The following FCHO1 variants were observed in gnomAD, a reference collection of about 807,000 sequenced individuals.
FCHO1 encodes the protein F-BAR domain only protein 1.
FCHO1 carries 45 observed loss-of-function variants against 114.4 expected under a neutral mutation model. That is an observed-to-expected ratio of 0.39 (90% CI 0.31 to 0.50). The LOEUF is 0.50. FCHO1 is among the 20% of genes least tolerant of loss of function. FCHO1 has a pLI of 0.77. For missense variants in FCHO1, 1,042 were observed against 1,209.6 expected, an observed-to-expected ratio of 0.86 and a Z score of 2.06; for synonymous variants, 480 against 488.9, an observed-to-expected ratio of 0.98 and a Z score of 0.24.
chr19:17,750,827 C>T (rs56130530), upstream of FCHO1, among the ~76,000 whole-genome samples: 29,154 of 133,954 alleles, frequency 0.22, 3,450 homozygotes, highest in African/African-American at 0.32. Context: ...CCTTTCTTTT[C>T]TTTTTTTTTT....
chr19:17,759,531 A>C (rs1174326514), intron 4 of FCHO1, among the ~76,000 whole-genome samples: 1 of 151,808 alleles, frequency 6.6e-6, no homozygotes, highest in African/African-American at 2.4e-5. Context: ...CTAGTCATTG[A>C]TTTTAAAGTT....
chr19:17,779,329 A>G (rs1268605540), intron 20 of FCHO1, among the ~76,000 whole-genome samples: 1 of 151,570 alleles, frequency 6.6e-6, no homozygotes, highest in Non-Finnish European at 1.5e-5. Context: ...TGTGAATGTT[A>G]CCCTGAGTAA....
chr19:17,772,587 G>T (rs2091874950), intron 10 of FCHO1, 32 bp downstream of exon 10: 1 of 1,613,410 alleles, frequency 6.2e-7, no homozygotes, highest in Admixed American at 1.7e-5. Flanking sequence ...AATGAGGCTG[G>T]GGTCACTGCT....
intron 4 of FCHO1, among the ~76,000 whole-genome samples, chr19:17,757,252 C>CTGG (rs979604926): frequency 2.0e-5 from 3 of 150,980 alleles, no homozygotes; most frequent in African/African-American, 7.3e-5. Context: ...TCTAGAAGTT[C>CTGG]TGGTGGGAGA....
chr19:17,778,343 TC>T (rs2147196720), intron 19 of FCHO1, 115 bp downstream of exon 19: 1 of 832,962 alleles, frequency 1.2e-6, no homozygotes, highest in African/African-American at 1.7e-5. Flanking sequence ...GGAGGACTAG[TC>T]CGTGTAGGGG....
Position 17,776,316 on chromosome 19 carries a change from G to C in FCHO1, c.1207+45G>C. 1 of 1,612,628 alleles carries C rather than the reference G, an allele frequency of 6.2e-7. No homozygotes were observed. The highest frequency in any genetic ancestry group is 8.5e-7 in the Non-Finnish European group (1 of 1,178,662). On this transcript the variant is annotated intron_variant, in intron 17 of 28. Transcript: ENST00000596536. This position sits in a 1 kb window ranked among gnomAD's most constrained non-coding sequence, Gnocchi z 4.4. ...CAGAGTGGGGAGGATCCTAAGGAAGGGAGGCTATGGGTTTGGGCTTGAATC... is the reference window on the plus strand; with the variant it reads ...CAGAGTGGGGAGGATCCTAAGGAAGCGAGGCTATGGGTTTGGGCTTGAATC...
chr19:17,778,653 T>C lies in FCHO1; in HGVS notation c.1396T>C (p.Ser466Pro), dbSNP rs762920339. ...GFTSSPSPFS[S>P]SSPENVEDSG... ...CACCTCCAGCCCCTCCCCTTTCTCC[T>C]CCTCGTCGCCCGAAAACGTGGAGGA... Residue 466 changes from serine (S) to proline (P), a missense_variant, in exon 20 of 29, where the codon TCC becomes CCC. By Grantham distance (74) the Ser-to-Pro change is moderately conservative (BLOSUM62 -1). Around this residue, in one of 3 missense-constraint regions of FCHO1, gnomAD observed 455 missense variants for 455.4 expected, o/e 1.00. Coordinates refer to ENST00000596536, the MANE Select transcript of FCHO1 (RefSeq NM_015122.3). 5.1e-6 allele frequency: 8 copies of C among 1,576,698 alleles called. No individual in the cohort carries two copies. The highest frequency in any genetic ancestry group is 6.9e-6 in the Non-Finnish European group (8 of 1,165,114).
At chr19:17,757,291 C>T (rs561317400) in intron 4 of FCHO1, among the ~76,000 whole-genome samples, 1 of 152,194 alleles carries the variant, frequency 6.6e-6, no homozygotes, top group African/African-American at 2.4e-5. Context: ...CCTCCTAGGA[C>T]CCTCGGCTGC....
chr19:17,766,698 G>A lies in FCHO1; in HGVS notation c.224G>A (p.Arg75His). ...TTCGCCCCGCTCTGGGAGGTCTTCC[G>A]CGTCTCCTCGGACAAGCTGGCGCTG... ...GTFAPLWEVF[R>H]VSSDKLALCH... is the part of the protein sequence containing the mutation. The change falls in exon 7 of 29, where the codon CGC becomes CAC. Residue 75 changes from arginine (R) to histidine (H), a missense_variant. Coordinates refer to ENST00000596536, the MANE Select transcript of FCHO1 (RefSeq NM_015122.3). 1 of 1,614,120 alleles carries A rather than the reference G, an allele frequency of 6.2e-7. No homozygotes were observed.
Position 17,775,374 on chromosome 19 carries a change from A to C in FCHO1, c.946-82A>C. 1 of 1,397,796 alleles carries C rather than the reference A, an allele frequency of 7.2e-7. No individual in the cohort carries two copies. The highest frequency in any genetic ancestry group is 1.0e-6 in the Non-Finnish European group (1 of 984,258). 86.6% of individuals were successfully genotyped at this position (1,397,796 alleles called of 1,614,324 possible). On this transcript the variant is annotated intron_variant, in intron 14 of 28. Coordinates refer to ENST00000596536, the MANE Select transcript of FCHO1 (RefSeq NM_015122.3). This position sits in a 1 kb window ranked among gnomAD's most constrained non-coding sequence, Gnocchi z 5.1. ...GAGGTCTGAGTCAAGGCCTGGGGGCAGGGCGGGGGGCGGTTGGCAGGGTGA... is the reference window on the plus strand; with the variant it reads ...GAGGTCTGAGTCAAGGCCTGGGGGCCGGGCGGGGGGCGGTTGGCAGGGTGA...
At chr19:17,782,197 T>C (rs972249075) in intron 23 of FCHO1, among the ~76,000 whole-genome samples, 1 of 151,522 alleles carries the variant, frequency 6.6e-6, no homozygotes, top group Admixed American at 6.6e-5. Context: ...TTTTTGTTTG[T>C]TTATTTGTTT....
In FCHO1 at chr19:17,776,063, A is replaced by G. The variant is rs1330110467; in HGVS notation, c.1084A>G (p.Lys362Glu). Residue 362 changes from lysine (K) to glutamate (E), a missense_variant, in exon 16 of 29, where the codon AAG (lysine) becomes GAG (glutamate). Coordinates refer to ENST00000596536, the MANE Select transcript of FCHO1 (RefSeq NM_015122.3). The surrounding 1 kb of genome is among the most constrained non-coding windows in gnomAD (Gnocchi z 4.4). ...EEPRKFYVHI[K>E]PAPARAPACS... is the part of the protein sequence containing the mutation. ...GCCCCGCAAGTTCTATGTGCACATC[A>G]AGCCTGCCCCGGCCCGGGCTCCAGC... 6.2e-7 allele frequency: 1 copy of G among 1,611,076 alleles called. No homozygotes were observed. Among genetic ancestry groups the G allele is most frequent in the Non-Finnish European group, 8.5e-7 (1 of 1,179,974 alleles).
At position 17,776,200 on chromosome 19, in the gene FCHO1, G is replaced by A. The variant is rs562382678; in HGVS notation, c.1182+39G>A. The stretch of plus-strand genomic sequence containing the variant: ...GGGGTGCCCTGGGTGTTGCTAGAGA[G>A]GCTGGCTGGATGCATTCGTGTGTGA... On this transcript the variant is annotated intron_variant, in intron 16 of 28. Coordinates refer to ENST00000596536, the MANE Select transcript of FCHO1 (RefSeq NM_015122.3). The surrounding 1 kb of genome is among the most constrained non-coding windows in gnomAD (Gnocchi z 4.4). The A allele has an allele frequency of 6.2e-7, 1 of 1,614,038 alleles. No individual in the cohort carries two copies. Among genetic ancestry groups the A allele is most frequent in the South Asian group, 1.1e-5 (1 of 91,080 alleles).
In FCHO1 at chr19:17,766,708, G is replaced by A. The variant is rs2089310358; in HGVS notation, c.234G>A (p.Ser78=). ...APLWEVFRVS[S]DKLALCHLEL... ...TCTGGGAGGTCTTCCGCGTCTCCTC[G>A]GACAAGCTGGCGCTGTGCCACCTGG... Residue 78 remains serine (S), a synonymous_variant, in exon 7 of 29, where the codon TCG becomes TCA. Coordinates refer to ENST00000596536, the MANE Select transcript of FCHO1 (RefSeq NM_015122.3). The A allele has an allele frequency of 4.3e-6, 7 of 1,614,008 alleles. No homozygotes were observed. Among genetic ancestry groups the A allele is most frequent in the African/African-American group, 1.3e-5 (1 of 74,920 alleles).
rs1764834225 is a variant in FCHO1 at position 17,775,912 on chromosome 19, G to A, written c.1004-71G>A. On this transcript the variant is annotated intron_variant, in intron 15 of 28. Transcript: ENST00000596536. The surrounding 1 kb of genome is among the most constrained non-coding windows in gnomAD (Gnocchi z 5.1). ...TCGAAGGGTTTGAGCAGGGAGGGAC[G>A]AGGCTGGATTGGAGAGCTGACTGGG... is the stretch of plus-strand genomic sequence containing the variant. 14 of 1,557,638 alleles carry A rather than the reference G, an allele frequency of 9.0e-6. 1 individual carries two copies. The highest frequency in any genetic ancestry group is 1.9e-4 in the Middle Eastern group (1 of 5,192).
chr19:17,785,170 T>G (rs965901740), intron 26 of FCHO1, among the ~76,000 whole-genome samples: 1 of 152,114 alleles, frequency 6.6e-6, no homozygotes, highest in African/African-American at 2.4e-5. Context: ...GCCTGGGCAA[T>G]ATGGTGAGAT....
chr19:17,785,585 G>A (rs1284083144), intron 26 of FCHO1, among the ~76,000 whole-genome samples: 9 of 152,130 alleles, frequency 5.9e-5, no homozygotes, highest in Non-Finnish European at 1.3e-4. Flanking sequence ...TGCAATCCCA[G>A]CACTTTGGGA....
chr19:17,782,872 GA>G, intron 23 of FCHO1, 144 bp from the exon 24 acceptor site: 1 of 853,018 alleles, frequency 1.2e-6, no homozygotes, highest in Non-Finnish European at 1.7e-6. Flanking sequence ...GAGGTTGGGG[GA>G]AAGGATACGG....
At chr19:17,767,580 A>AC (rs969330469) in intron 7 of FCHO1, among the ~76,000 whole-genome samples, 6 of 151,770 alleles carry the variant, frequency 4.0e-5, no homozygotes, top group African/African-American at 7.2e-5. Context: ...AAAAAAAAAA[A>AC]AAACAAGAGA....
Sources: allele counts gnomAD v4.1 joint callset (sites outside exome capture counted in the v4.1 genomes callset), GRCh38; gene constraint gnomAD v4.1.1; regional missense constraint gnomAD v4.1.1; non-coding constraint Gnocchi (gnomAD v3.1); transcripts MANE v1.5; gene names NCBI Gene and HGNC (gene_info 2026-07-23, HGNC 2026-07-21).